Variants in PCDH9 observed in about 807,000 individuals in gnomAD.
The protein encoded by PCDH9 is protocadherin-9.
Under a neutral mutation model 70.6 loss-of-function variants are expected in PCDH9, and 24 were observed. The ratio of observed to expected loss-of-function variants is 0.34; its 90% CI spans 0.25 to 0.48. PCDH9 has a LOEUF of 0.48. Among genes scored for constraint, PCDH9 ranks in the 20% least tolerant of loss-of-function variants. The probability of loss-of-function intolerance (pLI) is 0.99; values close to 1 mark genes in which losing one functional copy is unlikely to be tolerated. For synonymous variants in PCDH9, 562 were observed against 558.5 expected (o/e 1.01, Z -0.09); for missense variants, 1,281 against 1,503.6 (o/e 0.85, Z 2.45).
chr13:67,141,048 G>A (rs1386329785), intron 2 of PCDH9, among the ~76,000 whole-genome samples: 3 of 152,090 alleles, frequency 2.0e-5, no homozygotes, highest in African/African-American at 7.2e-5. Flanking sequence ...AAGAGATAAG[G>A]AACTAGACGC....
chr13:66,942,476 C>A (rs1309873039), intron 2 of PCDH9, among the ~76,000 whole-genome samples: 1 of 151,618 alleles, frequency 6.6e-6, no homozygotes, highest in Non-Finnish European at 1.5e-5. Context: ...GTTCCAATAA[C>A]AAATAAGTGA....
chr13:66,492,767 G>T (rs1406280254), intron 4 of PCDH9, among the ~76,000 whole-genome samples: 1 of 151,996 alleles, frequency 6.6e-6, no homozygotes, highest in Non-Finnish European at 1.5e-5. Flanking sequence ...GAGGAGAAAA[G>T]GTTATGTTTC....
intron 2 of PCDH9, among the ~76,000 whole-genome samples, chr13:67,019,442 G>T (rs907586034): frequency 6.6e-6 from 1 of 151,724 alleles, no homozygotes; most frequent in Non-Finnish European, 1.5e-5. Flanking sequence ...TGATCCTCCC[G>T]CCTCAGCCTC....
chr13:66,367,711 C>T (rs1344976444), intron 4 of PCDH9, among the ~76,000 whole-genome samples: 1 of 152,036 alleles, frequency 6.6e-6, no homozygotes, highest in East Asian at 1.9e-4. Flanking sequence ...AATAGATAAC[C>T]AGGAAAGTAA....
intron 2 of PCDH9, among the ~76,000 whole-genome samples, chr13:67,020,703 T>C (rs1334116571): frequency 6.6e-6 from 1 of 152,112 alleles, no homozygotes; most frequent in East Asian, 1.9e-4. Context: ...TGAAAAGAGG[T>C]TAAATAAGTC....
intron 3 of PCDH9, among the ~76,000 whole-genome samples, chr13:66,806,911 A>G (rs1460650986): frequency 6.6e-6 from 1 of 152,154 alleles, no homozygotes; most frequent in East Asian, 1.9e-4. Flanking sequence ...TCCATTTATG[A>G]TAAAGAATTG....
intron 3 of PCDH9, among the ~76,000 whole-genome samples, chr13:66,852,037 AATTCT>A (rs1293222225): frequency 1.4e-4 from 21 of 151,840 alleles, no homozygotes; most frequent in Admixed American, 2.0e-4. Context: ...TAGGGACTTT[AATTCT>A]ATCAGTTCAT....
intron 4 of PCDH9, among the ~76,000 whole-genome samples, chr13:66,507,311 A>C (rs980362592): frequency 1.3e-5 from 2 of 152,226 alleles, no homozygotes; most frequent in African/African-American, 2.4e-5. Context: ...TATTTAAGTG[A>C]AATACATTTT....
At chr13:66,684,688 C>T (rs2078375305) in intron 3 of PCDH9, among the ~76,000 whole-genome samples, 1 of 152,140 alleles carries the variant, frequency 6.6e-6, no homozygotes. Flanking sequence ...AATTAAAGCT[C>T]TTTCCTTTAT....
intron 2 of PCDH9, among the ~76,000 whole-genome samples, chr13:67,091,884 T>C (rs2086225741): frequency 6.6e-6 from 1 of 152,148 alleles, no homozygotes; most frequent in Non-Finnish European, 1.5e-5. Flanking sequence ...CCCCAGTGAA[T>C]AAAATGTCTT....
At chr13:67,090,635 GT>G (rs1018460880) in intron 2 of PCDH9, among the ~76,000 whole-genome samples, 1 of 151,668 alleles carries the variant, frequency 6.6e-6, no homozygotes, top group African/African-American at 2.4e-5. Context: ...AAGCAAAAGG[GT>G]TATGTAAAAT....
At chr13:67,034,174 G>A (rs541139805) in intron 2 of PCDH9, among the ~76,000 whole-genome samples, 14 of 151,986 alleles carry the variant, frequency 9.2e-5, no homozygotes, top group Middle Eastern at 3.4e-3. Flanking sequence ...TAGTAGAGAC[G>A]GGGTTTCACC....
intron 3 of PCDH9, among the ~76,000 whole-genome samples, chr13:66,680,868 T>C (rs1490964615): frequency 2.0e-5 from 3 of 151,942 alleles, no homozygotes; most frequent in African/African-American, 7.2e-5. Flanking sequence ...AAAGAGAAAA[T>C]AGCAGTAATA....
At chr13:66,491,385 T>TTGTGTGTGTG (rs71106974) in intron 4 of PCDH9, among the ~76,000 whole-genome samples, 5,450 of 136,082 alleles carry the variant, frequency 0.04, 228 homozygotes, top group Admixed American at 0.078. Context: ...GCAGGAGATA[T>TTGTGTGTGTG]TGTGTGTGTG....
At chr13:66,969,102 A>C (rs1384673473) in intron 2 of PCDH9, among the ~76,000 whole-genome samples, 1 of 152,064 alleles carries the variant, frequency 6.6e-6, no homozygotes, top group African/African-American at 2.4e-5. Context: ...TTAGCATTTC[A>C]GTAAGCTGTC....
intron 4 of PCDH9, among the ~76,000 whole-genome samples, chr13:66,514,887 CCCATAATAGT>C: frequency 6.6e-6 from 1 of 152,032 alleles, no homozygotes; most frequent in East Asian, 1.9e-4. Context: ...TGAAGATAAA[CCCATAATAGT>C]CCATTTCATA....
chr13:66,561,113 G>T (rs1961998773), intron 4 of PCDH9, among the ~76,000 whole-genome samples: 1 of 152,232 alleles, frequency 6.6e-6, no homozygotes, highest in Non-Finnish European at 1.5e-5. Flanking sequence ...TTGTGAGCCA[G>T]CGCGAGTTCC....
At chr13:66,701,891 C>T (rs898719647) in intron 3 of PCDH9, among the ~76,000 whole-genome samples, 6 of 152,134 alleles carry the variant, frequency 3.9e-5, no homozygotes, top group African/African-American at 1.4e-4. Context: ...TCTTCTGATG[C>T]AGGGATTGTT....
At chr13:66,927,347 T>C (rs968867798) in intron 2 of PCDH9, among the ~76,000 whole-genome samples, 1 of 151,936 alleles carries the variant, frequency 6.6e-6, no homozygotes, top group African/African-American at 2.4e-5. Context: ...GCTAAAATGA[T>C]GACACATAGA....
Sources: allele counts gnomAD v4.1 joint callset (sites outside exome capture counted in the v4.1 genomes callset), GRCh38; gene constraint gnomAD v4.1.1; transcripts MANE v1.5; gene names NCBI Gene and HGNC (gene_info 2026-07-23, HGNC 2026-07-21).